The following TMEM255B variants were observed in gnomAD, a reference collection of about 807,000 sequenced individuals.
TMEM255B encodes the protein family with sequence similarity 70, member B.
In TMEM255B, 35 loss-of-function variants were observed where a neutral mutation model predicts 34.5. The observed-to-expected ratio is 1.01, with a 90% CI of 0.77 to 1.34. TMEM255B has a LOEUF of 1.34. Among genes scored for constraint, TMEM255B ranks in the 40% most tolerant of loss-of-function variants. The pLI, the probability that TMEM255B is intolerant of heterozygous loss-of-function variation, is 0.00. For missense variants in TMEM255B, 432 were observed against 433.2 expected (o/e 1.00, Z 0.02); for synonymous variants, 206 against 201.2 (o/e 1.02, Z -0.20).
intron 3 of TMEM255B, among the ~76,000 whole-genome samples, chr13:113,779,646 G>A (rs1261348817): frequency 2.0e-5 from 3 of 152,166 alleles, no homozygotes; most frequent in African/African-American, 7.2e-5. Flanking sequence ...TAGAGGGAGC[G>A]TCTGCTGATA....
rs955025123 is a variant in TMEM255B at position 113,816,122 on chromosome 13, C to T, written c.*4219C>T. The T allele has an allele frequency of 2.4e-5, 4 of 169,292 alleles. No homozygotes were observed. In the South Asian group the frequency reaches 2.9e-4, roughly 12 times the overall value. 10.5% of individuals were successfully genotyped at this position (169,292 alleles called of 1,614,324 possible). ...TTCGGGGAGGCAAGCGTGTTTGCAG[C>T]GTGTTCTGGATGGGGAGAGGTGCAG... On this transcript the variant is annotated 3_prime_UTR_variant, in exon 9 of 9. Transcript: ENST00000375353.
chr13:113,771,293 C>T (rs966730318), intron 3 of TMEM255B, among the ~76,000 whole-genome samples: 1 of 152,158 alleles, frequency 6.6e-6, no homozygotes, highest in Non-Finnish European at 1.5e-5. Context: ...GAGGCAGTAA[C>T]GTGTTATGTG....
rs775640790 is a variant in TMEM255B at position 113,769,067 on chromosome 13, T to C, written c.190-31T>C. On this transcript the variant is annotated intron_variant, in intron 2 of 8. Coordinates refer to ENST00000375353, the MANE Select transcript of TMEM255B (RefSeq NM_182614.4). This position sits in a 1 kb window ranked among gnomAD's most constrained non-coding sequence, Gnocchi z 4.2. ...TTAAGCTTCTAGGCACGTTAATGAG[T>C]GTTTCTCTCTCGTTCTTCCTTTGGT... 1 of 1,612,612 alleles carries C rather than the reference T, an allele frequency of 6.2e-7. No homozygotes were observed. The highest frequency in any genetic ancestry group is 8.5e-7 in the Non-Finnish European group (1 of 1,178,606).
chr13:113,789,792 G>A (rs562810722), intron 3 of TMEM255B, among the ~76,000 whole-genome samples: 63 of 151,454 alleles, frequency 4.2e-4, no homozygotes, highest in South Asian at 8.4e-4. Context: ...TGGACTGACC[G>A]TGTACATAGA....
At position 113,811,815 on chromosome 13, in the gene TMEM255B, C is replaced by T; in HGVS notation, c.893C>T (p.Ser298Phe). The change falls in exon 9 of 9, where the codon TCT becomes TTT. Residue 298 changes from serine to phenylalanine, a missense_variant. Coordinates refer to ENST00000375353, the MANE Select transcript of TMEM255B (RefSeq NM_182614.4). Reference protein sequence around the residue: ...EDLQPPSPSSSGSGLPGQAPP... With the variant: ...EDLQPPSPSSFGSGLPGQAPP... ...CTGCAGCCCCCTTCTCCAAGCAGCTCTGGCTCTGGGCTTCCCGGCCAGGCT... is the reference window on the plus strand; with the variant it reads ...CTGCAGCCCCCTTCTCCAAGCAGCTTTGGCTCTGGGCTTCCCGGCCAGGCT... The T allele has an allele frequency of 6.2e-7, 1 of 1,613,976 alleles. No homozygotes were observed. Among genetic ancestry groups the T allele is most frequent in the South Asian group, 1.1e-5 (1 of 91,078 alleles).
intron 8 of TMEM255B, among the ~76,000 whole-genome samples, chr13:113,807,838 T>G (rs932579199): frequency 2.0e-5 from 3 of 146,520 alleles, no homozygotes; most frequent in African/African-American, 7.5e-5. Flanking sequence ...GGGGTGGTCC[T>G]CCCCGTCACA....
At chr13:113,783,062 T>A (rs540588331) in intron 3 of TMEM255B, among the ~76,000 whole-genome samples, 1 of 152,318 alleles carries the variant, frequency 6.6e-6, no homozygotes, top group Admixed American at 6.5e-5. Context: ...TTTTTCTGGA[T>A]ATCTTGGTGG....
intron 1 of TMEM255B, 64 bp downstream of exon 1, chr13:113,759,379 G>A: frequency 1.6e-6 from 2 of 1,219,142 alleles, no homozygotes; most frequent in South Asian, 8.3e-5. Context: ...CCGGGGCTGG[G>A]ACTACAGGTC....
intron 3 of TMEM255B, among the ~76,000 whole-genome samples, chr13:113,779,942 A>T (rs2050641926): frequency 6.6e-6 from 1 of 152,164 alleles, no homozygotes; most frequent in South Asian, 2.1e-4. Flanking sequence ...ACTTTATTAT[A>T]CTTGGCTTAA....
rs1213117509 is a variant in TMEM255B at position 113,799,495 on chromosome 13, T to A, written c.423+76T>A. ...GACCCCACGCGGTTTTCCCTGCACA[T>A]AGGCGTGGTCTGAATATTTTGATTC... On this transcript the variant is annotated intron_variant, in intron 5 of 8. Coordinates refer to ENST00000375353, the MANE Select transcript of TMEM255B (RefSeq NM_182614.4). The A allele has an allele frequency of 2.9e-6, 4 of 1,373,086 alleles. No homozygotes were observed. In the South Asian group the frequency reaches 3.6e-5, roughly 12 times the overall value. The allele number at this position is 1,373,086 out of a possible 1,614,324, so 85.1% of individuals were successfully genotyped here.
chr13:113,775,231 C>A (rs1345932098), intron 3 of TMEM255B, among the ~76,000 whole-genome samples: 1 of 152,004 alleles, frequency 6.6e-6, no homozygotes, highest in Non-Finnish European at 1.5e-5. Context: ...ACCACACATA[C>A]TATACACACC....
intron 3 of TMEM255B, among the ~76,000 whole-genome samples, chr13:113,784,075 C>T (rs1024062913): frequency 2.6e-5 from 4 of 151,988 alleles, no homozygotes; most frequent in African/African-American, 7.3e-5. Flanking sequence ...TGGGCCAGGC[C>T]GTGTTACCAT....
rs1382599790 is a variant in TMEM255B, at chr13:113,814,719, G to A, written c.*2816G>A. On this transcript the variant is annotated 3_prime_UTR_variant, in exon 9 of 9. Coordinates refer to ENST00000375353, the MANE Select transcript of TMEM255B (RefSeq NM_182614.4). ...TCACGGTCTGATGAACCCCCTCTCT[G>A]GGCTCCGCTGGGGCCTTCTGATCCC... The A allele has an allele frequency of 2.6e-5, 4 of 152,228 alleles. No individual in the cohort carries two copies. The highest frequency in any genetic ancestry group is 5.9e-5 in the Non-Finnish European group (4 of 68,112). 9.4% of individuals were successfully genotyped at this position (152,228 alleles called of 1,614,324 possible). A position where few individuals can be genotyped will look rare whatever the true frequency, so the allele number is the denominator to read the frequency against.
chr13:113,784,476 C>A (rs929735110), intron 3 of TMEM255B, among the ~76,000 whole-genome samples: 1 of 151,540 alleles, frequency 6.6e-6, no homozygotes, highest in African/African-American at 2.4e-5. Flanking sequence ...ATTGGCAAAG[C>A]GCCTCCCAGA....
At position 113,775,842 on chromosome 13, in the gene TMEM255B, G is replaced by A. The variant is rs183764474; in HGVS notation, c.252+6682G>A. ...CAGCTCTCCGTGCCTGTCAGGCACT[G>A]GGGGGTGTTTCTCAGGCCGGTGGCC... On this transcript the variant is annotated intron_variant, in intron 3 of 8. Transcript: ENST00000375353. Among the ~76,000 whole-genome samples, 578 of 152,314 alleles carry A rather than the reference G, an allele frequency of 3.8e-3. 2 individuals are homozygous for A. Among genetic ancestry groups the A allele is most frequent in the African/African-American group, 0.013 (547 of 41,578 alleles).
chr13:113,795,011 A>G lies in TMEM255B; in HGVS notation c.253-137A>G, dbSNP rs751327343. ...TCCGGCCTGGCCAGGGCTGGAAGTC[A>G]TAGGACGAAAGGTAGAGGTGAGAAG... On this transcript the variant is annotated intron_variant, in intron 3 of 8. Coordinates refer to ENST00000375353, the MANE Select transcript of TMEM255B (RefSeq NM_182614.4). 1.1e-4 allele frequency: 84 copies of G among 759,476 alleles called. 1 individual carries two copies. The highest frequency in any genetic ancestry group is 1.6e-4 in the Non-Finnish European group (72 of 454,032). The allele number at this position is 759,476 out of a possible 1,614,324, so 47.0% of individuals were successfully genotyped here. A position where few individuals can be genotyped will look rare whatever the true frequency, so the allele number is the denominator to read the frequency against.
rs1365519323 is a variant in TMEM255B, at chr13:113,816,031, C to G, written c.*4128C>G. 5.4e-6 allele frequency: 1 copy of G among 185,990 alleles called. No individual in the cohort carries two copies. Among genetic ancestry groups the G allele is most frequent in the African/African-American group, 2.4e-5 (1 of 41,486 alleles). 11.5% of individuals were successfully genotyped at this position (185,990 alleles called of 1,614,324 possible). On this transcript the variant is annotated 3_prime_UTR_variant, in exon 9 of 9. Coordinates refer to ENST00000375353, the MANE Select transcript of TMEM255B (RefSeq NM_182614.4). ...GGGACACGGGTTCTTTTCGGGGAGG[C>G]AAGCGTGTTCGCAGCGTGTTCTGTA...
intron 5 of TMEM255B, among the ~76,000 whole-genome samples, chr13:113,800,284 G>GTT (rs1279536983): frequency 7.1e-6 from 1 of 141,464 alleles, no homozygotes; most frequent in African/African-American, 2.7e-5. Context: ...GTGTGTGTGT[G>GTT]TCAGGGGAGG....
chr13:113,814,046 C>G lies in TMEM255B; in HGVS notation c.*2143C>G, dbSNP rs1454102052. 6.6e-6 allele frequency: 1 copy of G among 152,120 alleles called. No homozygotes were observed. Among genetic ancestry groups the G allele is most frequent in the East Asian group, 1.9e-4 (1 of 5,144 alleles). 9.4% of individuals were successfully genotyped at this position (152,120 alleles called of 1,614,324 possible). A position where few individuals can be genotyped will look rare whatever the true frequency, so the allele number is the denominator to read the frequency against. ...GAAGAAAAGTGTGCCACGGATTTCC[C>G]GAGTCCCCAGGGCTCTCACTTTACC... On this transcript the variant is annotated 3_prime_UTR_variant, in exon 9 of 9. Transcript: ENST00000375353.
Sources: gnomAD v4.1 joint callset for allele counts (sites outside exome capture counted in the v4.1 genomes callset) on GRCh38, gnomAD v4.1.1 for gene constraint, Gnocchi (gnomAD v3.1) non-coding constraint, MANE v1.5 for transcripts, NCBI Gene and HGNC (gene_info 2026-07-23, HGNC 2026-07-21) for gene names.